Variants in USH2A observed in about 807,000 individuals in gnomAD.
USH2A encodes Usher syndrome 2A (autosomal recessive, mild).
USH2A carries 443 observed loss-of-function variants against 538.9 expected under a neutral mutation model. The observed-to-expected ratio is 0.82, with a 90% confidence interval of 0.76 to 0.89. The LOEUF (loss-of-function observed/expected upper bound fraction) is 0.89, where lower values mean the gene tolerates loss of function less well. Among genes scored for constraint, USH2A ranks in the 40% least tolerant of loss-of-function variants. USH2A has a pLI of 0.00. For synonymous variants in USH2A, 2,413 were observed against 2,273.5 expected (o/e 1.06, Z -1.75); for missense variants, 6,633 against 6,324.8 (o/e 1.05, Z -1.65).
intron 35 of USH2A, among the ~76,000 whole-genome samples, chr1:215,991,742 T>A (rs1018522328): frequency 6.6e-6 from 1 of 152,234 alleles, no homozygotes; most frequent in Non-Finnish European, 1.5e-5. Flanking sequence ...CTGAAGATTC[T>A]GAGAGCAATT....
At chr1:215,730,653 G>T (rs539186031) in intron 60 of USH2A, among the ~76,000 whole-genome samples, 1 of 152,320 alleles carries the variant, frequency 6.6e-6, no homozygotes, top group Admixed American at 6.5e-5. Flanking sequence ...GGCAGAATAT[G>T]TAAAATCTTT....
At chr1:215,899,793 C>T (rs954812341) in intron 40 of USH2A, among the ~76,000 whole-genome samples, 19 of 152,008 alleles carry the variant, frequency 1.2e-4, no homozygotes, top group African/African-American at 2.9e-4. Context: ...TCTTGCAGGG[C>T]GCTAAGATGT....
chr1:215,999,203 C>T, intron 33 of USH2A, 145 bp from the exon 34 acceptor site: 1 of 747,680 alleles, frequency 1.3e-6, no homozygotes, highest in South Asian at 1.9e-5. Flanking sequence ...AAATAAAACA[C>T]TGAAGTAGTT....
chr1:215,674,133 GACTGCAT>G lies in USH2A; in HGVS notation c.13771_13777del (p.Met4591HisfsTer3). On this transcript the variant is annotated frameshift_variant, in exon 63 of 72. Transcript: ENST00000307340. LOFTEE classifies it high-confidence loss of function. The stretch of plus-strand genomic sequence containing the variant: ...TGGCTTCAGCTGGTTTACTATATAT[GACTGCAT>G]ACCAAAAGAATTATGAGTTGTGTTT... 6.2e-7 allele frequency: 1 copy of G among 1,614,036 alleles called. No homozygotes were observed. Among genetic ancestry groups the G allele is most frequent in the Non-Finnish European group, 8.5e-7 (1 of 1,179,994 alleles).
intron 4 of USH2A, among the ~76,000 whole-genome samples, chr1:216,331,207 A>C (rs1462470968): frequency 6.6e-6 from 1 of 152,172 alleles, no homozygotes; most frequent in Admixed American, 6.5e-5. Flanking sequence ...AAGGACAGCC[A>C]TAGAAATAAA....
At chr1:215,903,022 C>A (rs75994137) in intron 38 of USH2A, among the ~76,000 whole-genome samples, 3,015 of 151,962 alleles carry the variant, frequency 0.02, 46 homozygotes, top group South Asian at 0.055. Context: ...CTGGAATCCA[C>A]CAAAATGTTG....
chr1:216,399,425 T>C (rs545420649), intron 3 of USH2A, among the ~76,000 whole-genome samples: 1 of 152,258 alleles, frequency 6.6e-6, no homozygotes, highest in South Asian at 2.1e-4. Context: ...AGTGAGACTG[T>C]GTGCTAGGTG....
chr1:216,214,382 A>G (rs1331173834), intron 15 of USH2A, among the ~76,000 whole-genome samples: 4 of 152,138 alleles, frequency 2.6e-5, no homozygotes, highest in Admixed American at 2.6e-4. Flanking sequence ...ACATGCAACA[A>G]TATGACTGAA....
intron 11 of USH2A, among the ~76,000 whole-genome samples, chr1:216,279,767 G>A (rs2036737235): frequency 6.6e-6 from 1 of 152,036 alleles, no homozygotes; most frequent in Admixed American, 6.6e-5. Flanking sequence ...TAGCAGGGAT[G>A]AAAAAAGTCC....
At chr1:216,167,870 G>T (rs2102634247) in intron 21 of USH2A, among the ~76,000 whole-genome samples, 1 of 152,146 alleles carries the variant, frequency 6.6e-6, no homozygotes, top group Non-Finnish European at 1.5e-5. Flanking sequence ...ATATGAATTT[G>T]CCGCCAGTAA....
At position 215,978,670 on chromosome 1, in the gene USH2A, A is replaced by G. The variant is rs1667678178; in HGVS notation, c.6806-7894T>C. Among the ~76,000 whole-genome samples, 3 of 152,152 alleles carry G rather than the reference A, an allele frequency of 2.0e-5. No individual in the cohort carries two copies. In the South Asian group the frequency reaches 6.2e-4, roughly 32 times the overall value. On this transcript the variant is annotated intron_variant, in intron 35 of 71. Transcript: ENST00000307340. ...ACAACAACTTTATGCCAAACAAATG[A>G]CATAATTAAATAGTAGACAGTAGGT...
At chr1:216,008,194 G>A (rs1471903239) in intron 32 of USH2A, among the ~76,000 whole-genome samples, 4 of 152,156 alleles carry the variant, frequency 2.6e-5, no homozygotes, top group East Asian at 1.9e-4. Context: ...TGACCTGCAC[G>A]TACACATCCA....
chr1:215,925,638 T>C (rs1666220781), intron 38 of USH2A, among the ~76,000 whole-genome samples: 1 of 152,166 alleles, frequency 6.6e-6, no homozygotes, highest in African/African-American at 2.4e-5. Flanking sequence ...CATCTTTCCT[T>C]CTACCCTCTG....
Position 215,972,695 on chromosome 1 carries a change from A to G in USH2A, c.6806-1919T>C, listed in dbSNP as rs1436566138. 2.6e-5 allele frequency among the ~76,000 whole-genome samples: 4 copies of G among 152,312 alleles called. No individual in the cohort carries two copies. The East Asian group carries it at 7.7e-4, about 29-fold the overall frequency. On this transcript the variant is annotated intron_variant, in intron 35 of 71. Coordinates refer to ENST00000307340, the MANE Select transcript of USH2A (RefSeq NM_206933.4). ...TTTTCCTTTAAGAAGACAACCTTGTATAGTTTACCATTCTGATAAGTCCAT... is the reference window on the plus strand; with the variant it reads ...TTTTCCTTTAAGAAGACAACCTTGTGTAGTTTACCATTCTGATAAGTCCAT...
rs1462992233 is a variant in USH2A at position 216,321,650 on chromosome 1, A to G, written c.1644+233T>C. On this transcript the variant is annotated intron_variant, in intron 9 of 71. Transcript: ENST00000307340. ...GAAAAACAAAAGAGAAAAGAACCTTAGGGTTTGGTTTCAGTTGTAATTTCT... is the reference window on the plus strand; with the variant it reads ...GAAAAACAAAAGAGAAAAGAACCTTGGGGTTTGGTTTCAGTTGTAATTTCT... 2.0e-5 allele frequency among the ~76,000 whole-genome samples: 3 copies of G among 152,214 alleles called. No homozygotes were observed. In the East Asian group the frequency reaches 5.8e-4, roughly 29 times the overall value.
At chr1:215,915,938 C>T (rs961391438) in intron 38 of USH2A, among the ~76,000 whole-genome samples, 21 of 150,062 alleles carry the variant, frequency 1.4e-4, no homozygotes, top group African/African-American at 4.9e-4. Context: ...ATCACAACAA[C>T]AAAAAACCAA....
chr1:215,684,265 C>A (rs951014241), intron 61 of USH2A, among the ~76,000 whole-genome samples: 5 of 152,180 alleles, frequency 3.3e-5, no homozygotes, highest in Admixed American at 6.5e-5. Flanking sequence ...ACATATGCAA[C>A]TACTTGGAGT....
intron 30 of USH2A, among the ~76,000 whole-genome samples, chr1:216,057,796 T>G (rs1054653702): frequency 1.3e-5 from 2 of 152,248 alleles, no homozygotes; most frequent in African/African-American, 4.8e-5. Context: ...AGAATTACTT[T>G]TTATTTACTT....
chr1:216,013,798 C>T (rs1052379656), intron 32 of USH2A, among the ~76,000 whole-genome samples: 6 of 152,102 alleles, frequency 3.9e-5, no homozygotes, highest in African/African-American at 1.4e-4. Context: ...CCCACCTGCA[C>T]CCAGGTGAAA....
Sources: gnomAD v4.1 joint callset for allele counts (sites outside exome capture counted in the v4.1 genomes callset) on GRCh38, gnomAD v4.1.1 for gene constraint, MANE v1.5 for transcripts, NCBI Gene and HGNC (gene_info 2026-07-23, HGNC 2026-07-21) for gene names.